MCTP2: variants seen among roughly 807,000 people sequenced by gnomAD.
MCTP2 encodes the protein multiple C2 and transmembrane domain-containing protein 2.
In MCTP2, 132 loss-of-function variants were observed where a neutral mutation model predicts 111.6. That is an observed-to-expected ratio of 1.18 (90% CI 1.03 to 1.37). The LOEUF is 1.37. Among genes scored for constraint, MCTP2 ranks in the 40% most tolerant of loss-of-function variants. The probability of loss-of-function intolerance (pLI) is 0.00; values close to 1 mark genes in which losing one functional copy is unlikely to be tolerated. For synonymous variants in MCTP2, 395 were observed against 387.7 expected (o/e 1.02, Z -0.22); for missense variants, 1,183 against 1,067.9 (o/e 1.11, Z -1.50).
At chr15:94,432,224 C>A (rs1047887448) in intron 17 of MCTP2, among the ~76,000 whole-genome samples, 3 of 152,070 alleles carry the variant, frequency 2.0e-5, no homozygotes, top group East Asian at 3.8e-4. Context: ...CCTATCTATT[C>A]TTTTTCTTAC....
chr15:94,303,280 G>A (rs2075729481), intron 2 of MCTP2, among the ~76,000 whole-genome samples: 1 of 151,646 alleles, frequency 6.6e-6, no homozygotes, highest in Admixed American at 6.6e-5. Context: ...TTCCAAAACT[G>A]AAGAATTTGG....
intron 4 of MCTP2, among the ~76,000 whole-genome samples, chr15:94,334,905 A>G (rs2152395227): frequency 6.6e-6 from 1 of 152,278 alleles, no homozygotes; most frequent in South Asian, 2.1e-4. Flanking sequence ...CTATATTATG[A>G]AAGTTCTAAG....
intron 4 of MCTP2, among the ~76,000 whole-genome samples, chr15:94,335,062 A>T (rs2077292142): frequency 6.6e-6 from 1 of 152,148 alleles, no homozygotes; most frequent in African/African-American, 2.4e-5. Context: ...GTCTGGTGCC[A>T]GCTTTCTCCT....
intron 1 of MCTP2, among the ~76,000 whole-genome samples, chr15:94,248,296 C>T (rs7183979): frequency 0.44 from 66,230 of 151,980 alleles, 14,746 homozygotes; most frequent in Middle Eastern, 0.56. Context: ...TCTCCTTATG[C>T]GAGGTTTCTA....
At chr15:94,370,356 T>C (rs1298207434) in intron 12 of MCTP2, among the ~76,000 whole-genome samples, 176 bp downstream of exon 12, 1 of 152,228 alleles carries the variant, frequency 6.6e-6, no homozygotes, top group Non-Finnish European at 1.5e-5. Context: ...ATAAAGCACC[T>C]ATTTACACAA....
At chr15:94,243,536 T>G (rs574125994) in intron 1 of MCTP2, among the ~76,000 whole-genome samples, 4 of 135,410 alleles carry the variant, frequency 3.0e-5, no homozygotes, top group African/African-American at 1.0e-4. Context: ...CACATACGTA[T>G]GCGTGCATAC....
intron 12 of MCTP2, among the ~76,000 whole-genome samples, chr15:94,381,801 A>C (rs1189080022): frequency 6.6e-6 from 1 of 152,118 alleles, no homozygotes; most frequent in Non-Finnish European, 1.5e-5. Flanking sequence ...GTGTTGTTCT[A>C]TGTTGGTAGG....
rs974515148 is a variant in MCTP2, at chr15:94,480,543, G to A, written c.*1509G>A. The A allele has an allele frequency of 6.6e-6, 1 of 152,200 alleles. No homozygotes were observed. Among genetic ancestry groups the A allele is most frequent in the Admixed American group, 6.5e-5 (1 of 15,274 alleles). 9.4% of individuals were successfully genotyped at this position (152,200 alleles called of 1,614,324 possible). Reference sequence around the variant, plus strand: ...CCTTGCAGAAATTATAAAAGCTCCAGTAAATCTCGTAGTTGTACATACAAT... The same window carrying A: ...CCTTGCAGAAATTATAAAAGCTCCAATAAATCTCGTAGTTGTACATACAAT... On this transcript the variant is annotated 3_prime_UTR_variant, in exon 23 of 23. Coordinates refer to ENST00000357742, the MANE Select transcript of MCTP2 (RefSeq NM_001385001.1).
At chr15:94,286,904 G>A (rs920872552) in intron 1 of MCTP2, among the ~76,000 whole-genome samples, 12 of 152,140 alleles carry the variant, frequency 7.9e-5, no homozygotes, top group African/African-American at 2.9e-4. Context: ...AAGATTACCA[G>A]GTAGGGTAGC....
At chr15:94,416,180 C>T (rs10520754) in intron 17 of MCTP2, among the ~76,000 whole-genome samples, 64,564 of 151,842 alleles carry the variant, frequency 0.43, 13,851 homozygotes, top group African/African-American at 0.47. Context: ...ATAATATTTA[C>T]GTAGCTTCCG....
chr15:94,375,097 G>T (rs539110879), intron 12 of MCTP2, among the ~76,000 whole-genome samples: 107 of 152,232 alleles, frequency 7.0e-4, no homozygotes, highest in Non-Finnish European at 1.3e-3. Flanking sequence ...GTCTCAGGGA[G>T]CTTTTACTCT....
At chr15:94,464,973 A>G (rs1055721967) in intron 20 of MCTP2, among the ~76,000 whole-genome samples, 5 of 129,544 alleles carry the variant, frequency 3.9e-5, no homozygotes, top group Non-Finnish European at 7.3e-5. Context: ...TTTGCTCATT[A>G]TATTCAAGCC....
chr15:94,405,675 TATC>T (rs1470460697), intron 17 of MCTP2, among the ~76,000 whole-genome samples: 2 of 152,234 alleles, frequency 1.3e-5, no homozygotes, highest in African/African-American at 4.8e-5. Context: ...AATTTATTGT[TATC>T]ATAAGAAATT....
chr15:94,363,450 A>G (rs999338901), intron 10 of MCTP2, among the ~76,000 whole-genome samples: 3 of 152,096 alleles, frequency 2.0e-5, no homozygotes, highest in Non-Finnish European at 2.9e-5. Context: ...GGTAATTAAC[A>G]AGCAGACAGG....
chr15:94,413,589 T>TGTGC (rs1224027923), intron 17 of MCTP2, among the ~76,000 whole-genome samples: 1 of 151,848 alleles, frequency 6.6e-6, no homozygotes, highest in Non-Finnish European at 1.5e-5. Context: ...TGTGTGTGTG[T>TGTGC]GTGTTCACAG....
chr15:94,397,179 A>G (rs908241834), intron 14 of MCTP2, among the ~76,000 whole-genome samples: 5 of 152,188 alleles, frequency 3.3e-5, no homozygotes, highest in Admixed American at 6.5e-5. Context: ...GTTTAATTCT[A>G]TCTCAGGCTT....
chr15:94,452,099 C>A (rs1334479238), intron 19 of MCTP2, among the ~76,000 whole-genome samples: 2 of 152,144 alleles, frequency 1.3e-5, no homozygotes, highest in African/African-American at 4.8e-5. Flanking sequence ...AGAGTTGAAC[C>A]CCATTCTCTG....
intron 12 of MCTP2, among the ~76,000 whole-genome samples, chr15:94,372,519 C>T (rs574316176): frequency 1.3e-5 from 2 of 152,282 alleles, no homozygotes; most frequent in South Asian, 2.1e-4. Context: ...GGTCAGCGAT[C>T]GTGGCCTACG....
intron 14 of MCTP2, among the ~76,000 whole-genome samples, chr15:94,395,580 G>T (rs1482699952): frequency 2.6e-5 from 4 of 152,124 alleles, no homozygotes; most frequent in Non-Finnish European, 4.4e-5. Flanking sequence ...GCTCACCTCT[G>T]TTATATGCTG....
Sources: gnomAD v4.1 joint callset for allele counts (sites outside exome capture counted in the v4.1 genomes callset) on GRCh38, gnomAD v4.1.1 for gene constraint, MANE v1.5 for transcripts, NCBI Gene and HGNC (gene_info 2026-07-23, HGNC 2026-07-21) for gene names.